The following XIRP2 variants were observed in gnomAD, a reference collection of about 807,000 sequenced individuals.
XIRP2 encodes the protein xin actin-binding repeat-containing protein 2.
In XIRP2, 236 loss-of-function variants were observed where a neutral mutation model predicts 277.0. That is an observed-to-expected ratio of 0.85 (90% confidence interval 0.77 to 0.95). The LOEUF (loss-of-function observed/expected upper bound fraction) is 0.95. Among genes scored for constraint, XIRP2 ranks in the 40% least tolerant of loss-of-function variants. The probability of loss-of-function intolerance (pLI) is 0.00; values close to 1 mark genes in which losing one functional copy is unlikely to be tolerated. For missense variants in XIRP2, 4,640 were observed against 4,157.5 expected (o/e 1.12, Z -3.19); for synonymous variants, 1,490 against 1,416.5 (o/e 1.05, Z -1.17).
chr2:166,912,147 A>G (rs975256436), intron 2 of XIRP2, among the ~76,000 whole-genome samples: 2 of 152,022 alleles, frequency 1.3e-5, no homozygotes, highest in African/African-American at 2.4e-5. Flanking sequence ...GAATTTGAAT[A>G]TTGGCCTGCC....
At chr2:166,943,799 A>G (rs1685784124) in intron 2 of XIRP2, among the ~76,000 whole-genome samples, 1 of 152,306 alleles carries the variant, frequency 6.6e-6, no homozygotes, top group Middle Eastern at 3.4e-3. Context: ...TTGTTCCCCC[A>G]AGAGAAGGGC....
intron 2 of XIRP2, among the ~76,000 whole-genome samples, chr2:166,986,500 G>T (rs1687009873): frequency 6.6e-6 from 1 of 152,182 alleles, no homozygotes. Flanking sequence ...TGATAGTTAG[G>T]TATATGTCAA....
intron 2 of XIRP2, among the ~76,000 whole-genome samples, chr2:167,034,910 A>T (rs1435956756): frequency 6.6e-6 from 1 of 152,166 alleles, no homozygotes; most frequent in Non-Finnish European, 1.5e-5. Context: ...AGGTGGGGGA[A>T]ATTCAATCAT....
intron 2 of XIRP2, among the ~76,000 whole-genome samples, chr2:167,130,939 A>G (rs560129427): frequency 7.9e-5 from 12 of 152,190 alleles, no homozygotes; most frequent in African/African-American, 2.6e-4. Context: ...TGCAGAGTTA[A>G]TATTACCAAC....
At chr2:166,927,487 C>A (rs183074854) in intron 2 of XIRP2, among the ~76,000 whole-genome samples, 180 of 152,126 alleles carry the variant, frequency 1.2e-3, no homozygotes, top group African/African-American at 4.1e-3. Context: ...TGTTTGCCAA[C>A]CTTTAGAGGC....
chr2:167,019,547 A>G (rs2105482534), intron 2 of XIRP2, among the ~76,000 whole-genome samples: 1 of 152,206 alleles, frequency 6.6e-6, no homozygotes, highest in Non-Finnish European at 1.5e-5. Context: ...ACAGTGAAAA[A>G]GAACAAGGCA....
At chr2:167,194,124 C>T (rs575774104) in intron 3 of XIRP2, among the ~76,000 whole-genome samples, 1 of 151,804 alleles carries the variant, frequency 6.6e-6, no homozygotes, top group South Asian at 2.1e-4. Flanking sequence ...CTCTGTTGCC[C>T]AGGCTGGAGT....
At chr2:167,257,735 G>A in intron 10 of XIRP2, 122 bp from the exon 11 acceptor site, 1 of 882,230 alleles carries the variant, frequency 1.1e-6, no homozygotes, top group Non-Finnish European at 1.7e-6. Flanking sequence ...AACTAATAGG[G>A]CCATTCCCAT....
chr2:167,029,216 T>C (rs376304845), intron 2 of XIRP2, among the ~76,000 whole-genome samples: 1 of 152,064 alleles, frequency 6.6e-6, no homozygotes, highest in South Asian at 2.1e-4. Context: ...TGTTGCCTGA[T>C]TGCCCTGGCC....
Position 167,185,288 on chromosome 2 carries a change from C to T in XIRP2, c.563-25447C>T, listed in dbSNP as rs536852984. ...TATTACCAATTATTATACAGTGTTC[C>T]ACCAAGGTTTCTTTTCCTGACCATT... On this transcript the variant is annotated intron_variant, in intron 3 of 10. Coordinates refer to ENST00000409195, the MANE Select transcript of XIRP2 (RefSeq NM_152381.6). Among the ~76,000 whole-genome samples, 108 of 152,174 alleles carry T rather than the reference C, an allele frequency of 7.1e-4. No homozygotes were observed. In the South Asian group the frequency reaches 9.5e-3, roughly 13 times the overall value.
chr2:167,130,616 A>G (rs1277441343), intron 2 of XIRP2, among the ~76,000 whole-genome samples: 1 of 152,100 alleles, frequency 6.6e-6, no homozygotes, highest in African/African-American at 2.4e-5. Flanking sequence ...CAAGATCTCC[A>G]GTCTGCTGAC....
In XIRP2 at chr2:167,251,280, C is replaced by T; in HGVS notation, c.9888C>T (p.Ile3296=). 6.2e-7 allele frequency: 1 copy of T among 1,613,576 alleles called. No homozygotes were observed. The highest frequency in any genetic ancestry group is 8.5e-7 in the Non-Finnish European group (1 of 1,179,678). The change falls in exon 9 of 11, where the codon ATC becomes ATT. Residue 3296 remains isoleucine, a synonymous_variant. Transcript: ENST00000409195. ...DTESYDAVEI[I]RKVAVPPRLS... is the part of the protein sequence containing the mutation. ...AAAGTTATGATGCAGTTGAAATCAT[C>T]CGCAAGGTTGCAGTGCCTCCTCGCC...
At chr2:166,970,983 A>G (rs1394632344) in intron 2 of XIRP2, among the ~76,000 whole-genome samples, 2 of 151,970 alleles carry the variant, frequency 1.3e-5, no homozygotes, top group Non-Finnish European at 2.9e-5. Context: ...AAGGAAGATC[A>G]ATAGTTTAAT....
At chr2:167,110,208 C>A (rs1048872183) in intron 2 of XIRP2, among the ~76,000 whole-genome samples, 11 of 152,066 alleles carry the variant, frequency 7.2e-5, no homozygotes, top group African/African-American at 2.4e-4. Flanking sequence ...TTTTTCCTTG[C>A]AATTGCTTTG....
At chr2:167,194,944 A>C (rs1030779931) in intron 3 of XIRP2, among the ~76,000 whole-genome samples, 1 of 152,204 alleles carries the variant, frequency 6.6e-6, no homozygotes, top group African/African-American at 2.4e-5. Context: ...AGTATAATGT[A>C]ACATAATAAC....
chr2:167,022,821 A>G (rs1309682936), intron 2 of XIRP2, among the ~76,000 whole-genome samples: 2 of 152,160 alleles, frequency 1.3e-5, no homozygotes, highest in African/African-American at 4.8e-5. Flanking sequence ...TCCATGGTGT[A>G]TATGTGCCAC....
chr2:167,238,227 C>T (rs138888816), intron 5 of XIRP2, among the ~76,000 whole-genome samples: 4 of 152,216 alleles, frequency 2.6e-5, no homozygotes, highest in African/African-American at 9.6e-5. Context: ...GTGTGTTAAA[C>T]ATATTATCAA....
At chr2:167,203,312 G>T (rs944856428) in intron 3 of XIRP2, among the ~76,000 whole-genome samples, 6 of 152,292 alleles carry the variant, frequency 3.9e-5, no homozygotes, top group Middle Eastern at 3.4e-3. Context: ...GAGAATACTA[G>T]CTAGGACAGA....
chr2:166,998,673 C>CAG (rs1687288331), intron 2 of XIRP2, among the ~76,000 whole-genome samples: 3 of 152,056 alleles, frequency 2.0e-5, no homozygotes, highest in Non-Finnish European at 4.4e-5. Flanking sequence ...AAACTCAACT[C>CAG]AGAGTGAATG....
Sources: gnomAD v4.1 joint callset for allele counts (sites outside exome capture counted in the v4.1 genomes callset) on GRCh38, gnomAD v4.1.1 for gene constraint, MANE v1.5 for transcripts, NCBI Gene and HGNC (gene_info 2026-07-23, HGNC 2026-07-21) for gene names.